Variants in TSPEAR observed in about 807,000 individuals in gnomAD.
The protein encoded by TSPEAR is thrombospondin type laminin G domain and EAR repeats, also known as thrombospondin-type laminin G domain and EAR repeat-containing protein.
Under a neutral mutation model 71.6 loss-of-function variants are expected in TSPEAR, and 69 were observed. That is an observed-to-expected ratio of 0.96 (90% CI 0.79 to 1.18). The LOEUF is 1.18. Among genes scored for constraint, TSPEAR ranks in the 50% most tolerant of loss-of-function variants. TSPEAR has a pLI of 0.00. For synonymous variants in TSPEAR, 402 were observed against 387.2 expected (o/e 1.04, Z -0.45); for missense variants, 971 against 894.9 (o/e 1.09, Z -1.09).
At chr21:44,698,631 C>G (rs1301725572) in intron 1 of TSPEAR, among the ~76,000 whole-genome samples, 3 of 152,202 alleles carry the variant, frequency 2.0e-5, no homozygotes, top group Non-Finnish European at 2.9e-5. Context: ...TGGCTGGACA[C>G]GGAGTCCTGG....
At chr21:44,557,824 T>G in intron 2 of TSPEAR, 1 of 598,782 alleles carries the variant, frequency 1.7e-6, no homozygotes, top group Non-Finnish European at 2.9e-6. Context: ...GTTGACAGAC[T>G]GATCACTCAC....
chr21:44,687,418 G>A lies in TSPEAR; in HGVS notation c.82+24015C>T, dbSNP rs782193654. ...TAGCTGGTGGATGGATAAACACAGC[G>A]TGACAGAGCGGTACAGCGGAATCCA... On this transcript the variant is annotated intron_variant, in intron 1 of 11. Coordinates refer to ENST00000323084, the MANE Select transcript of TSPEAR (RefSeq NM_144991.3). The surrounding 1 kb of genome is among the most constrained non-coding windows in gnomAD (Gnocchi z 4.4). Among the ~76,000 whole-genome samples the A allele has an allele frequency of 2.8e-4, 43 of 152,308 alleles. No homozygotes were observed. Among genetic ancestry groups the A allele is most frequent in the Admixed American group, 8.5e-4 (13 of 15,306 alleles).
At chr21:44,706,962 TC>T (rs1987956778) in intron 1 of TSPEAR, among the ~76,000 whole-genome samples, 1 of 152,012 alleles carries the variant, frequency 6.6e-6, no homozygotes, top group East Asian at 1.9e-4. Context: ...CCCCAACCCC[TC>T]CAAGGACAAA....
At chr21:44,672,446 T>C (rs55672775) in intron 1 of TSPEAR, among the ~76,000 whole-genome samples, 5,993 of 152,218 alleles carry the variant, frequency 0.039, 128 homozygotes, top group Middle Eastern at 0.085. Flanking sequence ...GGCAGGTGCC[T>C]GTAGTCCCAG....
chr21:44,604,279 T>G (rs1273112416), intron 1 of TSPEAR, among the ~76,000 whole-genome samples: 1 of 152,178 alleles, frequency 6.6e-6, no homozygotes, highest in Non-Finnish European at 1.5e-5. Context: ...TGAACCAGCA[T>G]TGATGACCTT....
At chr21:44,629,268 C>G (rs1983109801) in intron 1 of TSPEAR, among the ~76,000 whole-genome samples, 1 of 152,220 alleles carries the variant, frequency 6.6e-6, no homozygotes, top group Non-Finnish European at 1.5e-5. Context: ...TCAGCTCAGG[C>G]TGCTGTGACA....
chr21:44,601,293 C>T, intron 1 of TSPEAR: 1 of 1,611,696 alleles, frequency 6.2e-7, no homozygotes. Flanking sequence ...CCTCCCCTTG[C>T]CAGCAGGCCT....
intron 11 of TSPEAR, among the ~76,000 whole-genome samples, chr21:44,501,041 T>A (rs587634253): frequency 1.3e-5 from 2 of 152,372 alleles, no homozygotes; most frequent in South Asian, 4.1e-4. Context: ...CATTTATTTT[T>A]GTGTACAATG....
chr21:44,551,205 C>T lies in TSPEAR; in HGVS notation c.303+16580G>A, dbSNP rs782613126. 8 of 1,584,664 alleles carry T rather than the reference C, an allele frequency of 5.0e-6. No homozygotes were observed. The East Asian group carries it at 1.8e-4, about 35-fold the overall frequency. ...GGAGGAGGTGCAGCAAGCCGGCTGG[C>T]AGCTAGACTGCTGGCAGCACGAGGG... On this transcript the variant is annotated intron_variant, in intron 2 of 11. Coordinates refer to ENST00000323084, the MANE Select transcript of TSPEAR (RefSeq NM_144991.3).
chr21:44,678,065 A>G lies in TSPEAR; in HGVS notation c.82+33368T>C. On this transcript the variant is annotated intron_variant, in intron 1 of 11. Transcript: ENST00000323084. ...CTCTGGGCCACAGCGGTCACACTCGATAACTGACAGGCCCGCAGTATCTGT... is the reference window on the plus strand; with the variant it reads ...CTCTGGGCCACAGCGGTCACACTCGGTAACTGACAGGCCCGCAGTATCTGT... 4 of 697,730 alleles carry G rather than the reference A, an allele frequency of 5.7e-6. 1 individual carries two copies. The South Asian group carries it at 6.2e-5, about 11-fold the overall frequency. The allele number at this position is 697,730 out of a possible 1,614,324, so 43.2% of individuals were successfully genotyped here.
Position 44,525,768 on chromosome 21 carries a change from G to A in TSPEAR, c.1221C>T (p.Ser407=). Residue 407 remains serine (S), a synonymous_variant, in exon 8 of 12, where the codon AGC becomes AGT. Transcript: ENST00000323084. Reference sequence around the variant, plus strand: ...ATGGGGTAAACTTCAGCTTTCTGTGGCTCCATTTGTAAATGACAGAGAACT... The same window carrying A: ...ATGGGGTAAACTTCAGCTTTCTGTGACTCCATTTGTAAATGACAGAGAACT... ...GQEFSVIYKW[S]HRKLKFTPYQ... 6.2e-7 allele frequency: 1 copy of A among 1,614,096 alleles called. No individual in the cohort carries two copies. Among genetic ancestry groups the A allele is most frequent in the Non-Finnish European group, 8.5e-7 (1 of 1,180,030 alleles).
intron 1 of TSPEAR, chr21:44,677,505 G>A (rs1745543525): frequency 1.2e-6 from 1 of 816,254 alleles, no homozygotes; most frequent in Non-Finnish European, 2.1e-6. Flanking sequence ...TTCCTCTTGT[G>A]CAAGGCAAGC....
At chr21:44,572,363 C>T (rs2053814461) in intron 1 of TSPEAR, among the ~76,000 whole-genome samples, 1 of 152,164 alleles carries the variant, frequency 6.6e-6, no homozygotes, top group Non-Finnish European at 1.5e-5. Flanking sequence ...GCTGCTTTCT[C>T]AGAGCTGGGA....
At chr21:44,537,606 A>C (rs1434138503) in intron 2 of TSPEAR, among the ~76,000 whole-genome samples, 2 of 152,246 alleles carry the variant, frequency 1.3e-5, no homozygotes, top group Admixed American at 6.5e-5. Context: ...GTGGAAGAGA[A>C]AGATTAATAC....
chr21:44,701,669 T>C (rs1555951538), intron 1 of TSPEAR, among the ~76,000 whole-genome samples: 1 of 151,956 alleles, frequency 6.6e-6, no homozygotes, highest in Non-Finnish European at 1.5e-5. Flanking sequence ...TTCGTGGTCC[T>C]CTGAGGATCC....
chr21:44,601,994 G>C (rs1440746439), intron 1 of TSPEAR: 11 of 595,292 alleles, frequency 1.8e-5, no homozygotes, highest in Non-Finnish European at 3.0e-5. Context: ...GGTGCTCCCA[G>C]GCCATAGCCC....
chr21:44,534,266 TGTGAG>T, intron 2 of TSPEAR, among the ~76,000 whole-genome samples: 1 of 7,148 alleles, frequency 1.4e-4, no homozygotes, highest in Admixed American at 1.6e-3. Context: ...GGGGCTGGTG[TGTGAG>T]GGGTGGGGCT....
intron 1 of TSPEAR, chr21:44,638,342 AC>A: frequency 2.6e-6 from 1 of 380,194 alleles, no homozygotes; most frequent in African/African-American, 2.4e-5. Context: ...TGCCTGTGGG[AC>A]CCCAGCTACT....
chr21:44,698,666 T>C (rs948417597), intron 1 of TSPEAR, among the ~76,000 whole-genome samples: 6 of 152,176 alleles, frequency 3.9e-5, no homozygotes, highest in Non-Finnish European at 8.8e-5. Context: ...GATGGCTCGC[T>C]CCACCTGCAG....
Sources: gnomAD v4.1 joint callset for allele counts (sites outside exome capture counted in the v4.1 genomes callset) on GRCh38, gnomAD v4.1.1 for gene constraint, Gnocchi (gnomAD v3.1) non-coding constraint, MANE v1.5 for transcripts, NCBI Gene and HGNC (gene_info 2026-07-23, HGNC 2026-07-21) for gene names.